USP37: variants seen among roughly 807,000 people sequenced by gnomAD.
USP37 encodes ubiquitin specific peptidase 37, also known as ubiquitin carboxyl-terminal hydrolase 37.
Under a neutral mutation model 124.0 loss-of-function variants are expected in USP37, and 27 were observed. The observed-to-expected ratio is 0.22, with a 90% CI of 0.16 to 0.30. The LOEUF (loss-of-function observed/expected upper bound fraction) is 0.30. Among genes scored for constraint, USP37 ranks in the 10% least tolerant of loss-of-function variants. USP37 has a pLI of 1.00. For synonymous variants in USP37, 365 were observed against 388.0 expected (o/e 0.94, Z 0.70); for missense variants, 889 against 1,140.4 (o/e 0.78, Z 3.17).
At chr2:218,558,461 G>A (rs1171309625) in intron 4 of USP37, 37 bp downstream of exon 4, 3 of 1,585,940 alleles carry the variant, frequency 1.9e-6, no homozygotes, top group Non-Finnish European at 2.6e-6. Flanking sequence ...TAAATGATCT[G>A]CTTCAAGAGC....
intron 1 of USP37, among the ~76,000 whole-genome samples, chr2:218,566,147 T>C (rs773477412): frequency 3.3e-5 from 5 of 152,162 alleles, no homozygotes; most frequent in Non-Finnish European, 5.9e-5. Flanking sequence ...GGGTAGAGGA[T>C]AACATTGAGA....
intron 20 of USP37, among the ~76,000 whole-genome samples, chr2:218,467,406 T>C (rs1334224975): frequency 6.6e-6 from 1 of 152,092 alleles, no homozygotes; most frequent in African/African-American, 2.4e-5. Flanking sequence ...TGGAGTGCAG[T>C]GGCGCGATCT....
At chr2:218,464,804 G>A (rs1227242451) in intron 21 of USP37, among the ~76,000 whole-genome samples, 1 of 152,182 alleles carries the variant, frequency 6.6e-6, no homozygotes, top group Non-Finnish European at 1.5e-5. Context: ...AGCAAGGGCT[G>A]GGGGCAAATA....
chr2:218,476,079 C>A (rs1319690486), intron 19 of USP37, among the ~76,000 whole-genome samples: 1 of 151,992 alleles, frequency 6.6e-6, no homozygotes, highest in Non-Finnish European at 1.5e-5. Context: ...TAAAATAATT[C>A]TATTATTTAA....
chr2:218,508,196 T>C (rs1352740123), intron 11 of USP37, among the ~76,000 whole-genome samples: 1 of 152,182 alleles, frequency 6.6e-6, no homozygotes, highest in Admixed American at 6.5e-5. Context: ...TGGTTTTTTT[T>C]GGAGGATTTG....
intron 11 of USP37, among the ~76,000 whole-genome samples, chr2:218,499,291 A>T (rs530231712): frequency 1.0e-5 from 1 of 95,832 alleles, no homozygotes; most frequent in Non-Finnish European, 2.2e-5. Flanking sequence ...AACAAAAAAC[A>T]ACAAAAAAAA....
chr2:218,454,897 G>A lies in USP37; in HGVS notation c.*33C>T. The A allele has an allele frequency of 3.1e-6, 5 of 1,609,248 alleles. No individual in the cohort carries two copies. The highest frequency in any genetic ancestry group is 4.2e-6 in the Non-Finnish European group (5 of 1,178,768). ...TGAGGTGGGCAGCAGTAACAAATAT[G>A]CAGTGCATGCTGCCAACCCAGGAGT... is the stretch of plus-strand genomic sequence containing the variant. On this transcript the variant is annotated 3_prime_UTR_variant, in exon 26 of 26. Transcript: ENST00000258399.
intron 24 of USP37, among the ~76,000 whole-genome samples, chr2:218,456,505 C>G (rs561049550): frequency 6.6e-6 from 1 of 150,492 alleles, no homozygotes; most frequent in East Asian, 2.0e-4. Flanking sequence ...TTTGTATATA[C>G]ACAGAGAATC....
intron 17 of USP37, 84 bp from the exon 18 acceptor site, chr2:218,479,799 C>T: frequency 2.5e-6 from 2 of 811,118 alleles, no homozygotes; most frequent in Non-Finnish European, 3.3e-6. Context: ...ATTATTCTTA[C>T]TATAATTCCT....
chr2:218,481,683 C>CTTTTTTTTT (rs71403043), intron 17 of USP37, among the ~76,000 whole-genome samples: 2 of 134,470 alleles, frequency 1.5e-5, no homozygotes, highest in Non-Finnish European at 3.2e-5. Context: ...CTTTTCTTTT[C>CTTTTTTTTT]TTTTTTTTTT....
intron 10 of USP37, among the ~76,000 whole-genome samples, chr2:218,516,143 T>A (rs1690265853): frequency 1.3e-5 from 2 of 152,096 alleles, no homozygotes; most frequent in Non-Finnish European, 2.9e-5. Flanking sequence ...TCCTCAAGGA[T>A]CTAGAACCAG....
chr2:218,526,785 C>CTTTTTTTTTTTTTTTTTTTT (rs71064454), intron 10 of USP37, among the ~76,000 whole-genome samples: 3 of 75,920 alleles, frequency 4.0e-5, no homozygotes, highest in South Asian at 6.3e-4. Flanking sequence ...ATTTCATTTG[C>CTTTTTTTTTTTTTTTTTTTT]TTTTTTTTTT....
chr2:218,479,516 A>G, intron 18 of USP37, 134 bp downstream of exon 18: 1 of 712,926 alleles, frequency 1.4e-6, no homozygotes, highest in Non-Finnish European at 2.3e-6. Flanking sequence ...GGAAAGTTTC[A>G]AAAGTATAGG....
chr2:218,467,882 G>GT (rs950614019), intron 20 of USP37, among the ~76,000 whole-genome samples: 31 of 147,822 alleles, frequency 2.1e-4, no homozygotes, highest in African/African-American at 2.8e-4. Context: ...AACATTTCAT[G>GT]TTTTTTTTGT....
intron 23 of USP37, 54 bp downstream of exon 23, chr2:218,459,736 T>G: frequency 6.7e-7 from 1 of 1,492,564 alleles, no homozygotes. Flanking sequence ...AAGTAAAGAG[T>G]GGGAAGAGTG....
chr2:218,553,842 GTAATT>G, intron 4 of USP37, 118 bp from the exon 5 acceptor site: 1 of 1,053,686 alleles, frequency 9.5e-7, no homozygotes, highest in Non-Finnish European at 1.3e-6. Context: ...CTTCCCCACA[GTAATT>G]TAATTTTTTT....
At chr2:218,547,164 T>C (rs1559222959) in intron 6 of USP37, 73 bp from the exon 7 acceptor site, 1 of 1,478,414 alleles carries the variant, frequency 6.8e-7, no homozygotes, top group Admixed American at 2.4e-5. Context: ...GATTCTCCAA[T>C]GGAAAGGTTT....
At chr2:218,498,684 G>A (rs1472982068) in intron 11 of USP37, among the ~76,000 whole-genome samples, 1 of 152,078 alleles carries the variant, frequency 6.6e-6, no homozygotes, top group East Asian at 1.9e-4. Context: ...CCAAGATTGT[G>A]CCATTGCACT....
chr2:218,459,949 G>C (rs1689913070), intron 22 of USP37, 44 bp from the exon 23 acceptor site: 1 of 1,492,348 alleles, frequency 6.7e-7, no homozygotes, highest in Non-Finnish European at 9.3e-7. Flanking sequence ...TCTTGGAATA[G>C]AATGGACGTG....
Sources: gnomAD v4.1 joint callset for allele counts (sites outside exome capture counted in the v4.1 genomes callset) on GRCh38, gnomAD v4.1.1 for gene constraint, MANE v1.5 for transcripts, NCBI Gene and HGNC (gene_info 2026-07-23, HGNC 2026-07-21) for gene names.